Variants in LOC128462377 observed in about 807,000 individuals in gnomAD.
the LOC128462377 span, among the ~76,000 whole-genome samples, chr16:89,335,955 C>A: frequency 6.6e-6 from 1 of 152,362 alleles, no homozygotes; most frequent in Non-Finnish European, 1.5e-5. Context: ...CATGACCGTG[C>A]AACATGCTTC....
chr16:89,344,755 G>A, the LOC128462377 span, among the ~76,000 whole-genome samples: 2 of 152,286 alleles, frequency 1.3e-5, no homozygotes, highest in South Asian at 2.1e-4. Flanking sequence ...CGGAGGGCAC[G>A]GGAGCACAGC....
chr16:89,357,323 G>A, the LOC128462377 span, among the ~76,000 whole-genome samples: 1 of 152,142 alleles, frequency 6.6e-6, no homozygotes, highest in South Asian at 2.1e-4. Context: ...CACGTGTCCC[G>A]GGGACAGGAC....
At chr16:89,326,469 G>C in the LOC128462377 span, among the ~76,000 whole-genome samples, 1 of 152,214 alleles carries the variant, frequency 6.6e-6, no homozygotes, top group Non-Finnish European at 1.5e-5. Context: ...ATAGGGCCAG[G>C]CACGGTGGCT....
chr16:89,395,258 G>T, the LOC128462377 span, among the ~76,000 whole-genome samples: 1 of 152,236 alleles, frequency 6.6e-6, no homozygotes, highest in South Asian at 2.1e-4. Flanking sequence ...TGAGCCCCAG[G>T]GAAGGGCTGC....
At chr16:89,324,217 C>T in the LOC128462377 span, 44 of 1,194,626 alleles carry the variant, frequency 3.7e-5, no homozygotes, top group Non-Finnish European at 3.8e-5. Flanking sequence ...GCATTACTGG[C>T]CTCTGCTTTG....
chr16:89,385,132 T>G, the LOC128462377 span, among the ~76,000 whole-genome samples: 1 of 151,566 alleles, frequency 6.6e-6, no homozygotes, highest in Non-Finnish European at 1.5e-5. Context: ...GTCCTCCACC[T>G]CCCAAAGTGC....
the LOC128462377 span, among the ~76,000 whole-genome samples, chr16:89,379,547 C>T: frequency 6.6e-6 from 1 of 152,174 alleles, no homozygotes; most frequent in African/African-American, 2.4e-5. Flanking sequence ...AGCTCAGTCA[C>T]GGCTCACTGC....
chr16:89,386,861 G>A, the LOC128462377 span, among the ~76,000 whole-genome samples: 3 of 152,286 alleles, frequency 2.0e-5, no homozygotes, highest in East Asian at 5.8e-4. Flanking sequence ...AGAGCTGTGT[G>A]CGAACAGACA....
chr16:89,375,626 A>G, the LOC128462377 span, among the ~76,000 whole-genome samples: 92,540 of 151,798 alleles, frequency 0.61, 28,348 homozygotes, highest in Middle Eastern at 0.75. Context: ...GTTAATTTTT[A>G]AATTTTTAGT....
At chr16:89,402,840 G>A in the LOC128462377 span, among the ~76,000 whole-genome samples, 1 of 150,416 alleles carries the variant, frequency 6.6e-6, no homozygotes, top group East Asian at 2.0e-4. Context: ...ACTGCGGGAG[G>A]AGGTGGGCGG....
chr16:89,389,652 G>A, the LOC128462377 span, among the ~76,000 whole-genome samples: 2 of 152,244 alleles, frequency 1.3e-5, no homozygotes, highest in African/African-American at 4.8e-5. Context: ...TGTGAACTCA[G>A]AGAAACGGCA....
chr16:89,330,711 G>T, the LOC128462377 span, among the ~76,000 whole-genome samples: 487 of 136,394 alleles, frequency 3.6e-3, 2 homozygotes, highest in African/African-American at 0.013. Context: ...TCTTGTATCG[G>T]AAGTCCCACG....
At chr16:89,399,575 C>T in the LOC128462377 span, among the ~76,000 whole-genome samples, 3 of 152,176 alleles carry the variant, frequency 2.0e-5, no homozygotes, top group South Asian at 6.2e-4. Context: ...TGTATGATAC[C>T]ACAACGGTGG....
the LOC128462377 span, among the ~76,000 whole-genome samples, chr16:89,319,123 C>T: frequency 8.9e-3 from 1,351 of 152,316 alleles, 85 homozygotes; most frequent in East Asian, 0.18. Context: ...GACGGAAAAA[C>T]GGGGCCTTCA....
the LOC128462377 span, among the ~76,000 whole-genome samples, chr16:89,355,735 C>T: frequency 9.2e-5 from 14 of 152,184 alleles, no homozygotes; most frequent in African/African-American, 2.7e-4. Flanking sequence ...AGCATCCACC[C>T]GTCGAGGGCA....
the LOC128462377 span, among the ~76,000 whole-genome samples, chr16:89,355,094 C>T: frequency 6.6e-6 from 1 of 152,194 alleles, no homozygotes; most frequent in Non-Finnish European, 1.5e-5. Flanking sequence ...CTAAATGTTG[C>T]TGACATTTCC....
chr16:89,348,959 T>G, the LOC128462377 span, among the ~76,000 whole-genome samples: 1 of 149,688 alleles, frequency 6.7e-6, no homozygotes, highest in South Asian at 2.1e-4. Context: ...GAAGCCTCAT[T>G]TCTACTAAAA....
the LOC128462377 span, among the ~76,000 whole-genome samples, chr16:89,391,394 C>T: frequency 5.3e-5 from 8 of 152,136 alleles, no homozygotes; most frequent in South Asian, 2.1e-4. Context: ...GACCCCGTGC[C>T]GTCTCCAGGT....
the LOC128462377 span, among the ~76,000 whole-genome samples, chr16:89,343,469 G>A: frequency 6.6e-6 from 1 of 152,178 alleles, no homozygotes; most frequent in African/African-American, 2.4e-5. Context: ...GGGTACACAG[G>A]TATTCCTAAC....
Sources: gnomAD v4.1 joint callset for allele counts (sites outside exome capture counted in the v4.1 genomes callset) on GRCh38, gnomAD v4.1.1 for gene constraint, MANE v1.5 for transcripts.